Variants in AREL1 observed in about 807,000 individuals in gnomAD.
AREL1 encodes apoptosis resistant E3 ubiquitin protein ligase 1.
In AREL1, 62 loss-of-function variants were observed where a neutral mutation model predicts 99.0. That is an observed-to-expected ratio of 0.63 (90% CI 0.51 to 0.77). AREL1 has a LOEUF of 0.77. AREL1 is among the 30% of genes least tolerant of loss of function. The pLI, the probability that AREL1 is intolerant of heterozygous loss-of-function variation, is 0.00. For missense variants in AREL1, 879 were observed against 1,027.6 expected (o/e 0.86, Z 1.98); for synonymous variants, 380 against 376.5 (o/e 1.01, Z -0.11).
chr14:74,705,931 T>C (rs1233012863), intron 1 of AREL1, among the ~76,000 whole-genome samples: 1 of 152,230 alleles, frequency 6.6e-6, no homozygotes, highest in East Asian at 1.9e-4. Context: ...ATGTTGAGTA[T>C]AACAGGGAAA....
rs5809676 is a variant in AREL1 at position 74,690,264 on chromosome 14, C to CAA, written c.-46+1775_-46+1776dup. On this transcript the variant is annotated intron_variant, in intron 2 of 19. Coordinates refer to ENST00000356357, the MANE Select transcript of AREL1 (RefSeq NM_001039479.2). ...GCACAACAGAGCAAGACCCTGTCTC[C>CAA]AAAAAAAAAAAAAAAAAAAAAGCTC... is the stretch of plus-strand genomic sequence containing the variant. Among the ~76,000 whole-genome samples the CAA allele has an allele frequency of 8.4e-4, 61 of 73,032 alleles. 1 individual carries two copies. The highest frequency in any genetic ancestry group is 1.4e-3 in the African/African-American group (24 of 16,770). The allele number at this position is 73,032 out of a possible 152,430, so 47.9% of individuals were successfully genotyped here. A position where few individuals can be genotyped will look rare whatever the true frequency, so the allele number is the denominator to read the frequency against.
At chr14:74,705,980 T>C in intron 1 of AREL1, among the ~76,000 whole-genome samples, 1 of 152,194 alleles carries the variant, frequency 6.6e-6, no homozygotes, top group African/African-American at 2.4e-5. Flanking sequence ...TTTTGTAACC[T>C]CATGGGGAGA....
chr14:74,686,955 C>T (rs1338579180), intron 2 of AREL1, among the ~76,000 whole-genome samples: 1 of 152,180 alleles, frequency 6.6e-6, no homozygotes, highest in Non-Finnish European at 1.5e-5. Context: ...AGTATCTCAT[C>T]TCTTGGGACC....
intron 3 of AREL1, 129 bp from the exon 4 acceptor site, chr14:74,684,809 A>T: frequency 1.3e-6 from 1 of 766,456 alleles, no homozygotes; most frequent in Non-Finnish European, 2.2e-6. Flanking sequence ...CCAAAGAAAC[A>T]CTGCACTGGG....
chr14:74,705,186 T>C (rs147210043), intron 1 of AREL1, among the ~76,000 whole-genome samples: 1,748 of 152,252 alleles, frequency 0.011, 31 homozygotes, highest in African/African-American at 0.039. Context: ...ATTATAGGCA[T>C]GCGTCACCAC....
intron 5 of AREL1, among the ~76,000 whole-genome samples, chr14:74,681,747 C>A (rs1377328862): frequency 7.0e-6 from 1 of 143,188 alleles, no homozygotes; most frequent in Non-Finnish European, 1.5e-5. Flanking sequence ...TCCAGCCTGG[C>A]GACAGGGCGA....
intron 5 of AREL1, among the ~76,000 whole-genome samples, chr14:74,678,906 T>C (rs1406660934): frequency 6.6e-6 from 1 of 152,166 alleles, no homozygotes; most frequent in Non-Finnish European, 1.5e-5. Context: ...TTCTTTCTTT[T>C]TTGAGACAGG....
At chr14:74,691,943 T>G (rs1257221878) in intron 2 of AREL1, 98 bp downstream of exon 2, 3 of 255,546 alleles carry the variant, frequency 1.2e-5, no homozygotes, top group African/African-American at 7.1e-5. Context: ...AACTGTATAC[T>G]TTAACAGCTA....
chr14:74,692,590 C>T lies in AREL1; in HGVS notation c.-333-262G>A, dbSNP rs373223701. Among the ~76,000 whole-genome samples, 34 of 152,324 alleles carry T rather than the reference C, an allele frequency of 2.2e-4. No individual in the cohort carries two copies. In the South Asian group the frequency reaches 5.4e-3, roughly 24 times the overall value. The stretch of plus-strand genomic sequence containing the variant: ...TGTCTCCGGCTGAGAAGTGCCAGAG[C>T]TTCCTTCAGTTCACTGTCCCCAAAT... On this transcript the variant is annotated intron_variant, in intron 1 of 19. Transcript: ENST00000356357.
intron 5 of AREL1, among the ~76,000 whole-genome samples, chr14:74,681,610 T>C (rs2089629693): frequency 6.6e-6 from 1 of 151,626 alleles, no homozygotes. Context: ...TTGTCTCTAC[T>C]AAAAATACAA....
At chr14:74,707,484 A>C (rs192374527) in intron 1 of AREL1, among the ~76,000 whole-genome samples, 55 of 151,478 alleles carry the variant, frequency 3.6e-4, no homozygotes, top group African/African-American at 1.3e-3. Flanking sequence ...AAAATGGTGA[A>C]ATCCCATCTC....
intron 1 of AREL1, among the ~76,000 whole-genome samples, chr14:74,710,443 T>A (rs2090258545): frequency 6.6e-6 from 1 of 152,140 alleles, no homozygotes; most frequent in African/African-American, 2.4e-5. Flanking sequence ...GTGCCTAAAT[T>A]TAAATGCAAA....
In AREL1 at chr14:74,692,140, A is replaced by G. The variant is rs1245828687; in HGVS notation, c.-145T>C. 2.2e-6 allele frequency: 1 copy of G among 445,148 alleles called. No individual in the cohort carries two copies. The highest frequency in any genetic ancestry group is 4.5e-6 in the Non-Finnish European group (1 of 224,372). The allele number at this position is 445,148 out of a possible 1,614,324, so 27.6% of individuals were successfully genotyped here. A position where few individuals can be genotyped will look rare whatever the true frequency, so the allele number is the denominator to read the frequency against. ...TTTCACCTTGTCTTCCAACTTCCAC[A>G]TGAAAGAAAAACGCCACAAGGTCAA... On this transcript the variant is annotated 5_prime_UTR_variant, in exon 2 of 20. An upstream start codon of the reference 5' UTR is lost. Transcript: ENST00000356357.
At position 74,661,383 on chromosome 14, in the gene AREL1, C is replaced by G. The variant is rs1032485548; in HGVS notation, c.*2337G>C. The G allele has an allele frequency of 8.8e-6, 4 of 455,332 alleles. No homozygotes were observed. The highest frequency in any genetic ancestry group is 4.0e-5 in the African/African-American group (2 of 49,998). The allele number at this position is 455,332 out of a possible 1,614,324, so 28.2% of individuals were successfully genotyped here. ...TCTCTGCCAATTTTCCAGAAACATG[C>G]TGACACTCTCCTAGGTATTCACTCA... On this transcript the variant is annotated 3_prime_UTR_variant, in exon 20 of 20. Coordinates refer to ENST00000356357, the MANE Select transcript of AREL1 (RefSeq NM_001039479.2).
chr14:74,675,117 T>C (rs2089442273), intron 8 of AREL1, among the ~76,000 whole-genome samples: 1 of 152,222 alleles, frequency 6.6e-6, no homozygotes, highest in African/African-American at 2.4e-5. Context: ...TCAACAATTA[T>C]CAATTCATAG....
In AREL1 at chr14:74,664,856, A is replaced by T. The variant is rs1275631261; in HGVS notation, c.2173T>A (p.Ser725Thr). The change falls in exon 18 of 20, where the codon TCA (serine) becomes ACA (threonine). Residue 725 changes from serine to threonine, a missense_variant. Transcript: ENST00000356357. ...FKAHAVVVGG[S>T]WHFREKVMRW... is the part of the protein sequence containing the mutation. ...TTTACCTTTTCTCTGAAATGCCATG[A>T]GCCACCAACAACTACTGCATGGGCT... 4.3e-6 allele frequency: 7 copies of T among 1,613,748 alleles called. No homozygotes were observed. The highest frequency in any genetic ancestry group is 5.9e-6 in the Non-Finnish European group (7 of 1,179,750).
intron 1 of AREL1, among the ~76,000 whole-genome samples, chr14:74,704,421 C>T (rs2090139460): frequency 1.3e-5 from 2 of 151,910 alleles, no homozygotes; most frequent in South Asian, 4.2e-4. Flanking sequence ...TCCAGAAAGG[C>T]GGGACAACTT....
rs28565226 is a variant in AREL1 at position 74,696,874 on chromosome 14, G to C, written c.-333-4546C>G. ...AGCTACTCAGGAGACTGAGGCAGGA[G>C]AATCACTTGAACTTGGGAGGCTTAA... On this transcript the variant is annotated intron_variant, in intron 1 of 19. Transcript: ENST00000356357. Among the ~76,000 whole-genome samples the C allele has an allele frequency of 1.6e-3, 246 of 152,314 alleles. 1 individual carries two copies. The highest frequency in any genetic ancestry group is 5.6e-3 in the African/African-American group (231 of 41,558).
At position 74,661,349 on chromosome 14, in the gene AREL1, A is replaced by T. The variant is rs1305811271; in HGVS notation, c.*2371T>A. ...TCACCTGGCCTGACGAATCTGCAGC[A>T]GGGCTTGGTCTCTGCCAATTTTCCA... On this transcript the variant is annotated 3_prime_UTR_variant, in exon 20 of 20. Coordinates refer to ENST00000356357, the MANE Select transcript of AREL1 (RefSeq NM_001039479.2). 2 of 456,408 alleles carry T rather than the reference A, an allele frequency of 4.4e-6. No homozygotes were observed. Among genetic ancestry groups the T allele is most frequent in the Non-Finnish European group, 8.8e-6 (2 of 226,748 alleles). 28.3% of individuals were successfully genotyped at this position (456,408 alleles called of 1,614,324 possible).
Sources: allele counts gnomAD v4.1 joint callset (sites outside exome capture counted in the v4.1 genomes callset), GRCh38; gene constraint gnomAD v4.1.1; transcripts MANE v1.5; gene names NCBI Gene and HGNC (gene_info 2026-07-23, HGNC 2026-07-21).